Variants in CDK10 observed in about 807,000 individuals in gnomAD.
The protein encoded by CDK10 is cyclin dependent kinase 10, also known as cyclin-dependent kinase 10.
Under a neutral mutation model 51.0 loss-of-function variants are expected in CDK10, and 55 were observed. The observed-to-expected ratio is 1.08, with a 90% confidence interval of 0.87 to 1.35. CDK10 has a LOEUF of 1.35. Among genes scored for constraint, CDK10 ranks in the 40% most tolerant of loss-of-function variants. The pLI is 0.00. For missense variants in CDK10, 589 were observed against 485.1 expected (o/e 1.21, Z -2.01); for synonymous variants, 255 against 199.1 (o/e 1.28, Z -2.36).
intron 9 of CDK10, 106 bp downstream of exon 9, chr16:89,694,338 G>T: frequency 8.2e-7 from 1 of 1,224,720 alleles, no homozygotes; most frequent in Non-Finnish European, 1.2e-6. Context: ...GGAGTGCAGT[G>T]GGGTCTTTGC....
At chr16:89,689,412 C>G in intron 2 of CDK10, 88 bp downstream of exon 2, 1 of 1,109,894 alleles carries the variant, frequency 9.0e-7, no homozygotes, top group Non-Finnish European at 1.4e-6. Context: ...CGCGTTGGGG[C>G]TGGAAGGGAC....
At chr16:89,691,680 G>A (rs996782596) in intron 4 of CDK10, 126 bp from the exon 5 acceptor site, 1 of 1,223,194 alleles carries the variant, frequency 8.2e-7, no homozygotes, top group Non-Finnish European at 1.2e-6. Context: ...TCACCGCCTG[G>A]CTCAGCCCAT....
intron 9 of CDK10, 39 bp from the exon 10 acceptor site, chr16:89,694,626 C>T: frequency 2.6e-6 from 4 of 1,565,382 alleles, no homozygotes; most frequent in Non-Finnish European, 3.5e-6. Flanking sequence ...GCGGGGTCAG[C>T]AGACGTCTGG....
chr16:89,695,768 C>A lies in CDK10; in HGVS notation c.*76C>A. 1 of 1,583,736 alleles carries A rather than the reference C, an allele frequency of 6.3e-7. No individual in the cohort carries two copies. The highest frequency in any genetic ancestry group is 8.6e-7 in the Non-Finnish European group (1 of 1,168,044). On this transcript the variant is annotated 3_prime_UTR_variant, in exon 13 of 13. Coordinates refer to ENST00000353379, the MANE Select transcript of CDK10 (RefSeq NM_052988.5). Reference sequence around the variant, plus strand: ...GGTGTCTGTGAAGGGTGCCGCGAGCCAGGCTGACCAGGCGCCCGGGATCCA... The same window carrying A: ...GGTGTCTGTGAAGGGTGCCGCGAGCAAGGCTGACCAGGCGCCCGGGATCCA...
intron 9 of CDK10, 200 bp from the exon 10 acceptor site, chr16:89,694,465 C>T: frequency 1.0e-6 from 1 of 971,512 alleles, no homozygotes; most frequent in Non-Finnish European, 1.5e-6. Flanking sequence ...CACGCCTGCC[C>T]CTGCACTTGT....
At chr16:89,694,630 C>A in intron 9 of CDK10, 35 bp from the exon 10 acceptor site, 3 of 1,567,764 alleles carry the variant, frequency 1.9e-6, no homozygotes, top group Non-Finnish European at 2.6e-6. Flanking sequence ...GGTCAGCAGA[C>A]GTCTGGCCGC....
rs199825493 is a variant in CDK10 at position 89,692,523 on chromosome 16, G to C, written c.485+7G>C. On this transcript the variant is annotated splice_region_variant and intron_variant, in intron 6 of 12. Transcript: ENST00000353379. ...GGAACTTCATTATCCACAGGTGGGT[G>C]ACAGCTAGGCAGAGTTGGAAGCACA... 541 of 1,583,016 alleles carry C rather than the reference G, an allele frequency of 3.4e-4. 2 individuals carry two copies. The highest frequency in any genetic ancestry group is 6.4e-4 in the Admixed American group (36 of 56,412).
At position 89,694,175 on chromosome 16, in the gene CDK10, A is replaced by G. The variant is rs1597868219; in HGVS notation, c.611A>G (p.Tyr204Cys). 1 of 1,613,548 alleles carries G rather than the reference A, an allele frequency of 6.2e-7. No homozygotes were observed. Among genetic ancestry groups the G allele is most frequent in the African/African-American group, 1.3e-5 (1 of 74,708 alleles). ...GAGGTGGGTGCTTCTGTGTGTAGGTACCGAGCCCCTGAACTGCTGTTGGGA... is the reference window on the plus strand; with the variant it reads ...GAGGTGGGTGCTTCTGTGTGTAGGTGCCGAGCCCCTGAACTGCTGTTGGGA... ...PMTPKVVTLW[Y>C]RAPELLLGTT... The change falls in exon 9 of 13, where the codon TAC (tyrosine) becomes TGC (cysteine). Residue 204 changes from tyrosine (Y) to cysteine (C), a missense_variant and splice_region_variant. Tyr to Cys is a radical substitution (Grantham distance 194, BLOSUM62 -2). Coordinates refer to ENST00000353379, the MANE Select transcript of CDK10 (RefSeq NM_052988.5).
intron 1 of CDK10, among the ~76,000 whole-genome samples, chr16:89,688,109 T>C (rs1597834198): frequency 8.1e-6 from 1 of 123,588 alleles, no homozygotes; most frequent in Non-Finnish European, 1.6e-5. Context: ...TGAGACGGAG[T>C]CTCATTCTGT....
At chr16:89,694,007 C>A in intron 8 of CDK10, 166 bp from the exon 9 acceptor site, 1 of 686,586 alleles carries the variant, frequency 1.5e-6, no homozygotes, top group Non-Finnish European at 2.6e-6. Context: ...CCCCCGGCAA[C>A]CATTGCTGTG....
At chr16:89,690,009 G>A (rs1388305153) in intron 2 of CDK10, 1 of 156,036 alleles carries the variant, frequency 6.4e-6, no homozygotes, top group Non-Finnish European at 1.4e-5. Flanking sequence ...AGGCTGCAGT[G>A]AGCTGTGATC....
At chr16:89,693,996 G>A (rs1450777284) in intron 8 of CDK10, 177 bp from the exon 9 acceptor site, 11 of 653,644 alleles carry the variant, frequency 1.7e-5, no homozygotes, top group Admixed American at 9.7e-5. Context: ...GACAGCTCTC[G>A]CCCCCGGCAA....
In CDK10 at chr16:89,696,000, C is replaced by T. The variant is rs2060705697; in HGVS notation, c.*308C>T. On this transcript the variant is annotated 3_prime_UTR_variant, in exon 13 of 13. Transcript: ENST00000353379. ...TGTTGGAAATGTGCAACCACTGCTTCTTGGGAGGAGTGGTGGGTGCAGTCC... is the reference window on the plus strand; with the variant it reads ...TGTTGGAAATGTGCAACCACTGCTTTTTGGGAGGAGTGGTGGGTGCAGTCC... 5.0e-6 allele frequency: 3 copies of T among 605,356 alleles called. No individual in the cohort carries two copies. Among genetic ancestry groups the T allele is most frequent in the East Asian group, 2.8e-5 (1 of 36,236 alleles). 37.5% of individuals were successfully genotyped at this position (605,356 alleles called of 1,614,324 possible).
chr16:89,694,909 C>T (rs1253854221), intron 10 of CDK10, 22 bp from the exon 11 acceptor site: 2 of 1,611,296 alleles, frequency 1.2e-6, no homozygotes, highest in East Asian at 2.2e-5. Flanking sequence ...GCCCTCTGCG[C>T]CTCAGCTCCT....
chr16:89,695,031 G>T lies in CDK10; in HGVS notation c.893G>T (p.Arg298Leu), dbSNP rs376865715. The part of the protein sequence containing the change: ...KFPWLSEAGL[R>L]LLHFLFMYDP... Reference sequence around the variant, plus strand: ...CCATGGCTGTCGGAGGCCGGGCTGCGCCTGCTGCACTTCCTGTTCATGTAC... The same window carrying T: ...CCATGGCTGTCGGAGGCCGGGCTGCTCCTGCTGCACTTCCTGTTCATGTAC... The change falls in exon 11 of 13, where the codon CGC becomes CTC. Residue 298 changes from arginine to leucine, a missense_variant. Coordinates refer to ENST00000353379, the MANE Select transcript of CDK10 (RefSeq NM_052988.5). The T allele has an allele frequency of 6.2e-7, 1 of 1,613,188 alleles. No individual in the cohort carries two copies. Among genetic ancestry groups the T allele is most frequent in the Non-Finnish European group, 8.5e-7 (1 of 1,180,014 alleles).
At position 89,694,920 on chromosome 16, in the gene CDK10, G is replaced by A. The variant is rs115807561; in HGVS notation, c.793-11G>A. 1 of 1,601,640 alleles carries A rather than the reference G, an allele frequency of 6.2e-7. No individual in the cohort carries two copies. The highest frequency in any genetic ancestry group is 1.4e-5 in the African/African-American group (1 of 72,382). On this transcript the variant is annotated splice_polypyrimidine_tract_variant and intron_variant, in intron 10 of 12. Coordinates refer to ENST00000353379, the MANE Select transcript of CDK10 (RefSeq NM_052988.5). ...CCACGCCCTCTGCGCCTCAGCTCCT[G>A]CCTCCCATAGGGCTTTTCCAAGCTG...
At chr16:89,691,406 CTGGGG>C in intron 3 of CDK10, 32 bp from the exon 4 acceptor site, 1 of 1,516,870 alleles carries the variant, frequency 6.6e-7, no homozygotes, top group Non-Finnish European at 9.0e-7. Context: ...CCCGCCATCA[CTGGGG>C]TGGGGCTCGC....
chr16:89,695,993 A>C lies in CDK10; in HGVS notation c.*301A>C. The C allele has an allele frequency of 1.6e-6, 1 of 607,682 alleles. No individual in the cohort carries two copies. The highest frequency in any genetic ancestry group is 2.9e-6 in the Non-Finnish European group (1 of 340,530). 37.6% of individuals were successfully genotyped at this position (607,682 alleles called of 1,614,324 possible). On this transcript the variant is annotated 3_prime_UTR_variant, in exon 13 of 13. Coordinates refer to ENST00000353379, the MANE Select transcript of CDK10 (RefSeq NM_052988.5). Reference sequence around the variant, plus strand: ...CTCGCTATGTTGGAAATGTGCAACCACTGCTTCTTGGGAGGAGTGGTGGGT... The same window carrying C: ...CTCGCTATGTTGGAAATGTGCAACCCCTGCTTCTTGGGAGGAGTGGTGGGT...
At chr16:89,692,193 C>G (rs1165009974) in intron 5 of CDK10, 3 of 559,256 alleles carry the variant, frequency 5.4e-6, no homozygotes, top group Non-Finnish European at 9.4e-6. Flanking sequence ...GCGGGGAGCC[C>G]TGGGCGGAGA....
Sources: allele counts gnomAD v4.1 joint callset (sites outside exome capture counted in the v4.1 genomes callset), GRCh38; gene constraint gnomAD v4.1.1; transcripts MANE v1.5; gene names NCBI Gene and HGNC (gene_info 2026-07-23, HGNC 2026-07-21).